DOCK10: variants seen among roughly 807,000 people sequenced by gnomAD.
DOCK10 encodes dedicator of cytokinesis protein 10.
DOCK10 carries 145 observed loss-of-function variants against 280.1 expected under a neutral mutation model. The ratio of observed to expected loss-of-function variants is 0.52; its 90% CI spans 0.45 to 0.59. DOCK10 has a LOEUF of 0.59. DOCK10 is among the 20% of genes least tolerant of loss of function. The pLI, the probability that DOCK10 is intolerant of heterozygous loss-of-function variation, is 0.00. For missense variants in DOCK10, 2,368 were observed against 2,651.7 expected, an observed-to-expected ratio of 0.89 and a Z score of 2.35; for synonymous variants, 915 against 942.2, an observed-to-expected ratio of 0.97 and a Z score of 0.53.
At chr2:224,881,915 C>A (rs534328693) in intron 7 of DOCK10, among the ~76,000 whole-genome samples, 1 of 152,318 alleles carries the variant, frequency 6.6e-6, no homozygotes, top group East Asian at 1.9e-4. Flanking sequence ...GTTTCTCACA[C>A]CTGGCCTCTC....
intron 19 of DOCK10, among the ~76,000 whole-genome samples, chr2:224,847,072 T>C (rs1357536697): frequency 6.6e-6 from 1 of 152,206 alleles, no homozygotes; most frequent in Admixed American, 6.5e-5. Context: ...GAACTGACCA[T>C]GCCGTAGCTA....
intron 1 of DOCK10, among the ~76,000 whole-genome samples, chr2:224,946,545 G>A (rs927403210): frequency 2.0e-5 from 3 of 152,102 alleles, no homozygotes; most frequent in Non-Finnish European, 2.9e-5. Flanking sequence ...AACTTCTTCA[G>A]AAATTTTAAT....
intron 29 of DOCK10, among the ~76,000 whole-genome samples, chr2:224,817,643 A>G (rs1220630823): frequency 1.3e-5 from 2 of 152,234 alleles, no homozygotes; most frequent in African/African-American, 4.8e-5. Context: ...TTGAAAATAC[A>G]TAATTTAGGT....
chr2:224,989,607 A>G (rs967872538), intron 1 of DOCK10, among the ~76,000 whole-genome samples: 6 of 152,092 alleles, frequency 3.9e-5, no homozygotes, highest in African/African-American at 1.4e-4. Flanking sequence ...GGATTTGGTC[A>G]TTTTCCAGGG....
chr2:224,999,295 T>C (rs1042962300), intron 1 of DOCK10, among the ~76,000 whole-genome samples: 1 of 151,914 alleles, frequency 6.6e-6, no homozygotes, highest in Non-Finnish European at 1.5e-5. Context: ...CCACGCTGCA[T>C]TCCTGGCTTT....
intron 55 of DOCK10, among the ~76,000 whole-genome samples, chr2:224,768,224 T>C (rs1402509446): frequency 6.6e-6 from 1 of 152,178 alleles, no homozygotes; most frequent in Non-Finnish European, 1.5e-5. Flanking sequence ...CCTGTTTCTA[T>C]TTTTAAGTGT....
intron 26 of DOCK10, among the ~76,000 whole-genome samples, chr2:224,832,290 CT>C (rs1207838305): frequency 6.6e-6 from 1 of 152,116 alleles, no homozygotes; most frequent in Non-Finnish European, 1.5e-5. Flanking sequence ...CTGAGATTGC[CT>C]TTTTCATTCA....
Position 224,840,058 on chromosome 2 carries a change from C to A in DOCK10, c.2676G>T (p.Val892=). The A allele has an allele frequency of 6.5e-7, 1 of 1,531,546 alleles. No individual in the cohort carries two copies. The highest frequency in any genetic ancestry group is 1.2e-5 in the South Asian group (1 of 82,440). The allele number at this position is 1,531,546 out of a possible 1,614,324, so 94.9% of individuals were successfully genotyped here. A position where few individuals can be genotyped will look rare whatever the true frequency, so the allele number is the denominator to read the frequency against. Reference sequence around the variant, plus strand: ...AACTCATGATTGCATGAATCTTTTCCACATTCAATAAGTTCTGTAGTAAAT... The same window carrying A: ...AACTCATGATTGCATGAATCTTTTCAACATTCAATAAGTTCTGTAGTAAAT... The part of the protein sequence containing the change: ...FIRSCKNLLN[V]EKIHAIMSFL... Residue 892 remains valine (V), a synonymous_variant, in exon 24 of 56, where the codon GTG becomes GTT. Coordinates refer to ENST00000258390, the MANE Select transcript of DOCK10 (RefSeq NM_014689.3).
intron 1 of DOCK10, among the ~76,000 whole-genome samples, chr2:224,998,917 T>C (rs1224189579): frequency 1.3e-5 from 2 of 152,168 alleles, no homozygotes; most frequent in Non-Finnish European, 2.9e-5. Context: ...CCGGGTGTGG[T>C]GGCTCACATC....
At chr2:224,994,739 T>C (rs1304808069) in intron 1 of DOCK10, among the ~76,000 whole-genome samples, 4 of 152,356 alleles carry the variant, frequency 2.6e-5, no homozygotes, top group Non-Finnish European at 4.4e-5. Flanking sequence ...ACTCACTTTA[T>C]GTAGCTCTTT....
At position 225,008,789 on chromosome 2, in the gene DOCK10, T is replaced by C. The variant is rs149366408; in HGVS notation, c.123+33463A>G. Among the ~76,000 whole-genome samples the C allele has an allele frequency of 1.6e-3, 243 of 152,284 alleles. 1 individual carries two copies. Among genetic ancestry groups the C allele is most frequent in the African/African-American group, 5.5e-3 (230 of 41,556 alleles). On this transcript the variant is annotated intron_variant, in intron 1 of 55. Coordinates refer to ENST00000258390, the MANE Select transcript of DOCK10 (RefSeq NM_014689.3). Reference sequence around the variant, plus strand: ...GAGCACAGGTCCACTGAATCGTCCTTAGTACTCTATCCAATGCTCCACTAT... The same window carrying C: ...GAGCACAGGTCCACTGAATCGTCCTCAGTACTCTATCCAATGCTCCACTAT...
In DOCK10 at chr2:224,774,922, C is replaced by T. The variant is rs758787752; in HGVS notation, c.5996G>A (p.Arg1999Gln). ...KHGGVAEQCK[R>Q]RTILTTSHLF... ...GCACCTACTTGTCAGGATCGTCCGC[C>T]GCTTGCACTGCTCCGCCACCCCACC... The change falls in exon 52 of 56, where the codon CGG (arginine) becomes CAG (glutamine). Residue 1999 changes from arginine to glutamine, a missense_variant. Transcript: ENST00000258390. The T allele has an allele frequency of 1.8e-5, 29 of 1,599,078 alleles. 1 individual carries two copies. The highest frequency in any genetic ancestry group is 1.2e-4 in the South Asian group (11 of 88,870).
chr2:225,014,618 T>C (rs183918635), intron 1 of DOCK10, among the ~76,000 whole-genome samples: 5 of 152,314 alleles, frequency 3.3e-5, no homozygotes, highest in Non-Finnish European at 7.4e-5. Context: ...TGGAATAATA[T>C]GTTTTAAATT....
intron 1 of DOCK10, chr2:224,982,630 G>T: frequency 1.7e-6 from 1 of 573,554 alleles, no homozygotes; most frequent in Non-Finnish European, 2.2e-6. Context: ...TCGAGAGCAT[G>T]TTTCCTGTTC....
intron 43 of DOCK10, 35 bp from the exon 44 acceptor site, chr2:224,796,461 G>A (rs1428493865): frequency 1.5e-6 from 2 of 1,339,082 alleles, no homozygotes; most frequent in African/African-American, 2.9e-5. Context: ...TCAAAAACAA[G>A]ACCAGAAATA....
chr2:224,876,586 C>T (rs1291547877), intron 7 of DOCK10, among the ~76,000 whole-genome samples: 1 of 152,170 alleles, frequency 6.6e-6, no homozygotes, highest in East Asian at 1.9e-4. Flanking sequence ...GGGCGTCTGA[C>T]CCTATCGCAT....
intron 1 of DOCK10, among the ~76,000 whole-genome samples, chr2:224,994,655 T>C (rs1488638821): frequency 2.0e-5 from 3 of 152,228 alleles, no homozygotes; most frequent in African/African-American, 7.2e-5. Context: ...AGGTCACTGG[T>C]ACACATCCAG....
At chr2:224,958,372 C>T (rs749174225) in intron 1 of DOCK10, among the ~76,000 whole-genome samples, 59 of 152,020 alleles carry the variant, frequency 3.9e-4, no homozygotes, top group Middle Eastern at 3.2e-3. Context: ...AAGGGCACCT[C>T]GAAAGTGGCA....
At chr2:224,896,931 T>C (rs1700020286) in intron 3 of DOCK10, among the ~76,000 whole-genome samples, 1 of 152,306 alleles carries the variant, frequency 6.6e-6, no homozygotes, top group Middle Eastern at 3.4e-3. Context: ...TTAACATATT[T>C]ATTCTATTTT....
Sources: allele counts gnomAD v4.1 joint callset (sites outside exome capture counted in the v4.1 genomes callset), GRCh38; gene constraint gnomAD v4.1.1; transcripts MANE v1.5; gene names NCBI Gene and HGNC (gene_info 2026-07-23, HGNC 2026-07-21).